DCDC1: variants seen among roughly 807,000 people sequenced by gnomAD.
The protein encoded by DCDC1 is doublecortin domain-containing protein 1.
Under a neutral mutation model 178.3 loss-of-function variants are expected in DCDC1, and 200 were observed. The observed-to-expected ratio is 1.12, with a 90% confidence interval of 1.00 to 1.26. The LOEUF is 1.26. Ranked by LOEUF, DCDC1 falls within the 50% of genes most tolerant of loss-of-function variation. The probability of loss-of-function intolerance (pLI) is 0.00; values close to 1 mark genes in which losing one functional copy is unlikely to be tolerated. For missense variants in DCDC1, 1,983 were observed against 1,749.2 expected (o/e 1.13, Z -2.38); for synonymous variants, 690 against 604.8 (o/e 1.14, Z -2.07).
intron 2 of DCDC1, among the ~76,000 whole-genome samples, chr11:31,334,732 T>C (rs560486557): frequency 6.6e-6 from 1 of 152,282 alleles, no homozygotes; most frequent in South Asian, 2.1e-4. Flanking sequence ...CAGCAAATAT[T>C]GCAGAACAGC....
chr11:31,125,129 C>T (rs182894765), intron 11 of DCDC1, among the ~76,000 whole-genome samples: 1 of 151,920 alleles, frequency 6.6e-6, no homozygotes, highest in Non-Finnish European at 1.5e-5. Flanking sequence ...TGAATAGACA[C>T]TTCTTTAAAA....
chr11:31,259,227 C>A (rs989919858), intron 8 of DCDC1, among the ~76,000 whole-genome samples: 7 of 152,012 alleles, frequency 4.6e-5, no homozygotes, highest in African/African-American at 1.7e-4. Flanking sequence ...GTGGCAGGTG[C>A]CTGTAATCCA....
chr11:30,921,019 A>G, intron 24 of DCDC1, 84 bp from the exon 25 acceptor site: 1 of 1,364,638 alleles, frequency 7.3e-7, no homozygotes, highest in Non-Finnish European at 9.9e-7. Flanking sequence ...CTAAAATACA[A>G]ATGCAAAATA....
intron 9 of DCDC1, among the ~76,000 whole-genome samples, chr11:31,157,783 T>C (rs1431168660): frequency 2.0e-5 from 3 of 152,180 alleles, no homozygotes; most frequent in Admixed American, 6.6e-5. Context: ...TAGAACAATG[T>C]GAATATTCTT....
At chr11:31,038,989 A>G (rs1034823082) in intron 20 of DCDC1, among the ~76,000 whole-genome samples, 4 of 152,230 alleles carry the variant, frequency 2.6e-5, no homozygotes, top group African/African-American at 9.6e-5. Context: ...AAATTTTTTC[A>G]TAAGTTTTAA....
intron 9 of DCDC1, among the ~76,000 whole-genome samples, chr11:31,214,957 A>C (rs912491278): frequency 6.6e-6 from 1 of 151,784 alleles, no homozygotes; most frequent in Non-Finnish European, 1.5e-5. Flanking sequence ...TTAATATTTT[A>C]AAATATTCAT....
At chr11:31,077,664 C>A (rs1565253689) in intron 18 of DCDC1, among the ~76,000 whole-genome samples, 1 of 151,622 alleles carries the variant, frequency 6.6e-6, no homozygotes, top group Non-Finnish European at 1.5e-5. Context: ...TTATTTTTGA[C>A]TTTAGAAAAT....
chr11:31,041,896 T>A (rs1028696981), intron 20 of DCDC1, among the ~76,000 whole-genome samples: 5 of 152,208 alleles, frequency 3.3e-5, no homozygotes, highest in African/African-American at 1.2e-4. Context: ...TTTATGTTTA[T>A]ATGTCATATA....
chr11:31,146,499 C>A (rs1477420591), intron 9 of DCDC1, among the ~76,000 whole-genome samples: 4 of 152,164 alleles, frequency 2.6e-5, no homozygotes, highest in African/African-American at 7.2e-5. Flanking sequence ...GCTTTCATAT[C>A]CTCAAGGTGT....
intron 7 of DCDC1, among the ~76,000 whole-genome samples, chr11:31,281,237 T>C (rs1426900949): frequency 6.6e-6 from 1 of 152,120 alleles, no homozygotes; most frequent in Non-Finnish European, 1.5e-5. Context: ...ATACCCTTTT[T>C]ACTACTTTTT....
chr11:30,881,710 C>T (rs940990886), intron 36 of DCDC1, among the ~76,000 whole-genome samples: 20 of 152,158 alleles, frequency 1.3e-4, no homozygotes, highest in African/African-American at 4.8e-4. Context: ...TTTGTTACTT[C>T]AGACAGGTAA....
In DCDC1 at chr11:30,893,005, GA is replaced by G; in HGVS notation, c.4903-9del. The stretch of plus-strand genomic sequence containing the variant: ...GATTTCAGAAAGGTGTGCCTGTCAA[GA>G]AAAGCCCAGAGAATGTTGTGTTTAG... On this transcript the variant is annotated splice_polypyrimidine_tract_variant and intron_variant, in intron 35 of 38. Coordinates refer to ENST00000684477, the MANE Select transcript of DCDC1 (RefSeq NM_001387274.1). The G allele has an allele frequency of 6.2e-7, 1 of 1,613,370 alleles. No homozygotes were observed. The highest frequency in any genetic ancestry group is 8.5e-7 in the Non-Finnish European group (1 of 1,179,700).
At chr11:30,919,726 G>A (rs1351819499) in intron 25 of DCDC1, among the ~76,000 whole-genome samples, 2 of 152,108 alleles carry the variant, frequency 1.3e-5, no homozygotes, top group African/African-American at 2.4e-5. Context: ...TAAAATAAAC[G>A]TTCATATTCT....
intron 11 of DCDC1, among the ~76,000 whole-genome samples, chr11:31,112,715 CAG>C (rs1382103183): frequency 3.3e-5 from 5 of 152,140 alleles, no homozygotes; most frequent in Non-Finnish European, 7.4e-5. Flanking sequence ...ACACAAAGTA[CAG>C]AGTTTCAAGA....
At chr11:30,886,787 G>A (rs1213683891) in intron 36 of DCDC1, among the ~76,000 whole-genome samples, 1 of 151,870 alleles carries the variant, frequency 6.6e-6, no homozygotes, top group Non-Finnish European at 1.5e-5. Flanking sequence ...AAACCAAAGG[G>A]TATGGCAGTT....
intron 20 of DCDC1, among the ~76,000 whole-genome samples, chr11:31,043,635 A>G (rs914153299): frequency 1.6e-4 from 24 of 152,152 alleles, no homozygotes; most frequent in Non-Finnish European, 5.9e-5. Context: ...CAAAATGGAA[A>G]GACCTATTAC....
In DCDC1 at chr11:30,977,351, T is replaced by C. The variant is rs1056118017; in HGVS notation, c.2592-24783A>G. Among the ~76,000 whole-genome samples, 10 of 152,304 alleles carry C rather than the reference T, an allele frequency of 6.6e-5. No individual in the cohort carries two copies. The East Asian group carries it at 1.5e-3, about 24-fold the overall frequency. On this transcript the variant is annotated intron_variant, in intron 20 of 38. Coordinates refer to ENST00000684477, the MANE Select transcript of DCDC1 (RefSeq NM_001387274.1). ...AAGGACTTGAAAAGTTCCCAACACATAGAAACGGTAAATACTCAATGGGAC... is the reference window on the plus strand; with the variant it reads ...AAGGACTTGAAAAGTTCCCAACACACAGAAACGGTAAATACTCAATGGGAC...
intron 6 of DCDC1, among the ~76,000 whole-genome samples, chr11:31,292,426 T>C (rs181437381): frequency 1.3e-5 from 2 of 152,248 alleles, no homozygotes; most frequent in East Asian, 3.9e-4. Flanking sequence ...TGGAATATCA[T>C]TCAGCCATAA....
chr11:31,104,063 C>A (rs947852866), intron 13 of DCDC1, among the ~76,000 whole-genome samples: 1 of 152,118 alleles, frequency 6.6e-6, no homozygotes, highest in African/African-American at 2.4e-5. Context: ...TCGTCATTCA[C>A]ATAATGTTCA....
Sources: gnomAD v4.1 joint callset for allele counts (sites outside exome capture counted in the v4.1 genomes callset) on GRCh38, gnomAD v4.1.1 for gene constraint, MANE v1.5 for transcripts, NCBI Gene and HGNC (gene_info 2026-07-23, HGNC 2026-07-21) for gene names.